Variants in KCNIP4 observed in about 807,000 individuals in gnomAD.
KCNIP4 encodes Kv channel-interacting protein 4.
KCNIP4 carries 12 observed loss-of-function variants against 34.0 expected under a neutral mutation model. The observed-to-expected ratio is 0.35, with a 90% CI of 0.23 to 0.57. The LOEUF (loss-of-function observed/expected upper bound fraction) is 0.57, where lower values mean the gene tolerates loss of function less well. Among genes scored for constraint, KCNIP4 ranks in the 20% least tolerant of loss-of-function variants. The pLI is 0.83. For missense variants in KCNIP4, 238 were observed against 311.7 expected, an observed-to-expected ratio of 0.76 and a Z score of 1.78; for synonymous variants, 124 against 102.2, an observed-to-expected ratio of 1.21 and a Z score of -1.29.
chr4:21,305,206 G>A (rs2109255747), intron 1 of KCNIP4, among the ~76,000 whole-genome samples: 1 of 152,292 alleles, frequency 6.6e-6, no homozygotes, highest in South Asian at 2.1e-4. Context: ...AAAAGGCAGA[G>A]CAGGATAGAA....
intron 1 of KCNIP4, among the ~76,000 whole-genome samples, chr4:21,189,778 C>T (rs1755494587): frequency 1.3e-5 from 2 of 152,184 alleles, no homozygotes; most frequent in South Asian, 4.1e-4. Flanking sequence ...TTTATAAAAT[C>T]ATTTTTCAAA....
In KCNIP4 at chr4:21,294,895, G is replaced by T. The variant is rs573517527; in HGVS notation, c.62-412186C>A. On this transcript the variant is annotated intron_variant, in intron 1 of 8. Coordinates refer to ENST00000382152, the MANE Select transcript of KCNIP4 (RefSeq NM_025221.6). ...ATTTCCCTTTGAAGCTGATAAGTGA[G>T]GGAGAAGGAACTACTCAAAGGATAA... Among the ~76,000 whole-genome samples the T allele has an allele frequency of 3.3e-5, 5 of 152,272 alleles. No homozygotes were observed. In the East Asian group the frequency reaches 9.6e-4, roughly 29 times the overall value.
chr4:21,587,919 G>A (rs1295604165), intron 1 of KCNIP4, among the ~76,000 whole-genome samples: 2 of 151,950 alleles, frequency 1.3e-5, no homozygotes, highest in African/African-American at 4.8e-5. Flanking sequence ...GCACCTCCAT[G>A]TATAAAGAAC....
chr4:20,805,447 C>T (rs1229873402), intron 3 of KCNIP4, among the ~76,000 whole-genome samples: 2 of 151,996 alleles, frequency 1.3e-5, no homozygotes, highest in Non-Finnish European at 2.9e-5. Context: ...TACTTGTCAT[C>T]TGTTATCTCT....
At chr4:21,294,927 T>A (rs1439788124) in intron 1 of KCNIP4, among the ~76,000 whole-genome samples, 1 of 152,180 alleles carries the variant, frequency 6.6e-6, no homozygotes, top group Admixed American at 6.5e-5. Context: ...ATAACAACAT[T>A]GTCTTCTTTT....
chr4:21,527,671 A>G (rs538112166), intron 1 of KCNIP4, among the ~76,000 whole-genome samples: 3 of 152,204 alleles, frequency 2.0e-5, no homozygotes, highest in Non-Finnish European at 4.4e-5. Context: ...GTAAAATTCA[A>G]TGGATAGAAT....
intron 3 of KCNIP4, among the ~76,000 whole-genome samples, chr4:20,819,725 G>A (rs1260466437): frequency 6.6e-6 from 1 of 152,164 alleles, no homozygotes; most frequent in African/African-American, 2.4e-5. Context: ...GATTAGTGCT[G>A]TTACATGAGA....
At chr4:20,923,249 C>T (rs1200276173) in intron 1 of KCNIP4, among the ~76,000 whole-genome samples, 1 of 152,192 alleles carries the variant, frequency 6.6e-6, no homozygotes, top group Non-Finnish European at 1.5e-5. Flanking sequence ...CTTTAAGTCA[C>T]ACCTGGCACT....
intron 5 of KCNIP4, among the ~76,000 whole-genome samples, chr4:20,748,836 A>T (rs1296286292): frequency 2.0e-5 from 3 of 149,522 alleles, no homozygotes; most frequent in Admixed American, 6.7e-5. Context: ...ACAATTTATG[A>T]TCTGCTATTT....
intron 4 of KCNIP4, among the ~76,000 whole-genome samples, chr4:20,751,756 T>C (rs1017157688): frequency 5.9e-5 from 9 of 152,348 alleles, no homozygotes; most frequent in African/African-American, 2.2e-4. Flanking sequence ...GGAGTTTTTC[T>C]AGCTTAAAGC....
chr4:20,736,915 G>A (rs1452298713), intron 5 of KCNIP4, among the ~76,000 whole-genome samples: 1 of 152,160 alleles, frequency 6.6e-6, no homozygotes, highest in Non-Finnish European at 1.5e-5. Context: ...TTAGTACAAA[G>A]TTACATTAAT....
In KCNIP4 at chr4:20,796,867, T is replaced by C. The variant is rs535865329; in HGVS notation, c.289-37977A>G. ...TTTTCAATAATTAGCTGTTATAATA[T>C]CCGTGTTCAAAAACACAGCACTCAG... On this transcript the variant is annotated intron_variant, in intron 3 of 8. Coordinates refer to ENST00000382152, the MANE Select transcript of KCNIP4 (RefSeq NM_025221.6). Among the ~76,000 whole-genome samples the C allele has an allele frequency of 5.9e-5, 9 of 152,326 alleles. No homozygotes were observed. The East Asian group carries it at 1.7e-3, about 29-fold the overall frequency.
At chr4:20,963,034 C>T (rs1032387948) in intron 1 of KCNIP4, among the ~76,000 whole-genome samples, 2 of 151,896 alleles carry the variant, frequency 1.3e-5, no homozygotes, top group Admixed American at 1.3e-4. Context: ...GCATGATTTC[C>T]GAATAGGCCA....
chr4:21,236,955 G>A (rs1206480693), intron 1 of KCNIP4, among the ~76,000 whole-genome samples: 2 of 151,096 alleles, frequency 1.3e-5, no homozygotes, highest in Non-Finnish European at 2.9e-5. Flanking sequence ...ACAGTGAGCC[G>A]AGATCGTGCC....
intron 1 of KCNIP4, among the ~76,000 whole-genome samples, chr4:21,491,573 A>G (rs1366674403): frequency 6.6e-6 from 1 of 151,920 alleles, no homozygotes; most frequent in Non-Finnish European, 1.5e-5. Flanking sequence ...AGGTCTGGCT[A>G]TGTTGCCCAG....
At chr4:21,221,529 A>C (rs1331385184) in intron 1 of KCNIP4, among the ~76,000 whole-genome samples, 1 of 152,114 alleles carries the variant, frequency 6.6e-6, no homozygotes, top group African/African-American at 2.4e-5. Flanking sequence ...AAACTATCAG[A>C]TCTTGTGAGA....
intron 1 of KCNIP4, among the ~76,000 whole-genome samples, chr4:21,699,629 A>G (rs147877518): frequency 6.6e-5 from 10 of 152,328 alleles, no homozygotes; most frequent in African/African-American, 2.4e-4. Context: ...CAAATACGCC[A>G]AGCTGCGAAT....
At chr4:21,250,505 G>C (rs889945530) in intron 1 of KCNIP4, among the ~76,000 whole-genome samples, 14 of 152,164 alleles carry the variant, frequency 9.2e-5, no homozygotes, top group African/African-American at 3.1e-4. Context: ...ATTTTCCTCT[G>C]GTTTTCCAGG....
intron 3 of KCNIP4, among the ~76,000 whole-genome samples, chr4:20,849,211 G>T (rs1720738287): frequency 6.6e-6 from 1 of 152,006 alleles, no homozygotes; most frequent in Non-Finnish European, 1.5e-5. Context: ...AATCTCCTCT[G>T]CCCCCACCTA....
Sources: gnomAD v4.1 joint callset for allele counts (sites outside exome capture counted in the v4.1 genomes callset) on GRCh38, gnomAD v4.1.1 for gene constraint, MANE v1.5 for transcripts, NCBI Gene and HGNC (gene_info 2026-07-23, HGNC 2026-07-21) for gene names.